The following TULP4 variants were observed in gnomAD, a reference collection of about 807,000 sequenced individuals.
TULP4 encodes the protein TUB like protein 4.
A neutral mutation model predicts 129.0 loss-of-function variants in TULP4; 16 were observed. That is an observed-to-expected ratio of 0.12 (90% confidence interval 0.08 to 0.19). The LOEUF (loss-of-function observed/expected upper bound fraction) is 0.19. Among genes scored for constraint, TULP4 ranks in the 10% least tolerant of loss-of-function variants. The pLI is 1.00. For synonymous variants in TULP4, 998 were observed against 854.0 expected (o/e 1.17, Z -2.94); for missense variants, 1,842 against 2,059.1 (o/e 0.89, Z 2.04).
At chr6:158,249,652 G>A (rs576913966) in intron 1 of TULP4, among the ~76,000 whole-genome samples, 118 of 152,264 alleles carry the variant, frequency 7.7e-4, no homozygotes, top group African/African-American at 2.6e-3. Flanking sequence ...TGTGACAGCC[G>A]GGTCTGTGTT....
At chr6:158,425,872 G>A in intron 2 of TULP4, among the ~76,000 whole-genome samples, 1 of 152,114 alleles carries the variant, frequency 6.6e-6, no homozygotes, top group Admixed American at 6.6e-5. Context: ...GGGATTATAG[G>A]CGTGAGCCAC....
intron 1 of TULP4, among the ~76,000 whole-genome samples, chr6:158,251,851 G>A (rs1778146691): frequency 1.3e-5 from 2 of 152,158 alleles, no homozygotes; most frequent in South Asian, 4.1e-4. Context: ...CACTATTGTA[G>A]GCACCAAGTA....
At chr6:158,350,244 GGGGCGGCC>G (rs1562530655) in intron 1 of TULP4, among the ~76,000 whole-genome samples, 101,835 of 149,338 alleles carry the variant, frequency 0.68, 34,887 homozygotes, top group East Asian at 0.88. Flanking sequence ...CTTCCCAGAC[GGGGCGGCC>G]GGGCAGAGGG....
Position 158,494,754 on chromosome 6 carries a change from A to G in TULP4, c.1778A>G (p.His593Arg). Reference protein sequence around the residue: ...REFPFEDITQHNYLAQVTSNI... With the variant: ...REFPFEDITQRNYLAQVTSNI... ...TTTTTTCTTTTCTTCCTACCGCAGC[A>G]CAACTATCTTGCTCAGGTCACGTCT... Residue 593 changes from histidine to arginine, a missense_variant and splice_region_variant, in exon 11 of 14, where the codon CAC (histidine) becomes CGC (arginine). His to Arg is a conservative substitution (Grantham distance 29). Around this residue, in one of 5 missense-constraint regions of TULP4, gnomAD observed 456 missense variants for 534.3 expected, o/e 0.85. Coordinates refer to ENST00000367097, the MANE Select transcript of TULP4 (RefSeq NM_020245.5). The G allele has an allele frequency of 6.2e-7, 1 of 1,611,928 alleles. No individual in the cohort carries two copies. Among genetic ancestry groups the G allele is most frequent in the Non-Finnish European group, 8.5e-7 (1 of 1,179,210 alleles).
intron 1 of TULP4, among the ~76,000 whole-genome samples, chr6:158,269,119 C>T (rs1287883411): frequency 6.6e-6 from 1 of 152,008 alleles, no homozygotes; most frequent in African/African-American, 2.4e-5. Context: ...TAGAAATTCT[C>T]GAGTCTGAGA....
At chr6:158,440,828 T>G (rs1278300897) in intron 3 of TULP4, among the ~76,000 whole-genome samples, 3 of 152,228 alleles carry the variant, frequency 2.0e-5, no homozygotes, top group Non-Finnish European at 4.4e-5. Flanking sequence ...ATATGTTTCT[T>G]TAGCAGAAAC....
intron 1 of TULP4, among the ~76,000 whole-genome samples, chr6:158,291,012 A>G (rs1023342066): frequency 2.0e-5 from 3 of 152,222 alleles, no homozygotes; most frequent in Non-Finnish European, 2.9e-5. Context: ...AGGCTTTTCA[A>G]TGAGAAATAT....
rs181862173 is a variant in TULP4, at chr6:158,455,708, G to A, written c.859+3440G>A. ...GCTGAGATTGCGCCATTGCACTCTA[G>A]CCTGGGTAACAGAGCAAGACTCCGT... is the stretch of plus-strand genomic sequence containing the variant. On this transcript the variant is annotated intron_variant, in intron 5 of 13. Transcript: ENST00000367097. Among the ~76,000 whole-genome samples the A allele has an allele frequency of 6.9e-4, 103 of 149,952 alleles. 1 individual carries two copies. Among genetic ancestry groups the A allele is most frequent in the African/African-American group, 2.3e-3 (92 of 40,558 alleles).
intron 3 of TULP4, 99 bp downstream of exon 3, chr6:158,429,996 T>A: frequency 1.7e-6 from 2 of 1,151,636 alleles, no homozygotes; most frequent in Non-Finnish European, 2.4e-6. Context: ...AAAGCCTCTT[T>A]AAGAATCACA....
intron 5 of TULP4, 25 bp downstream of exon 5, chr6:158,452,293 A>G (rs1239926964): frequency 5.6e-6 from 9 of 1,612,132 alleles, no homozygotes; most frequent in East Asian, 2.2e-5. Flanking sequence ...ACACACCCCA[A>G]ACCTGCAGAC....
At chr6:158,438,164 A>G (rs759386316) in intron 3 of TULP4, 7 of 152,250 alleles carry the variant, frequency 4.6e-5, no homozygotes, top group Non-Finnish European at 7.3e-5. Context: ...GAAAATTTTC[A>G]GTAACATGAA....
chr6:158,349,583 A>G (rs1439093522), intron 1 of TULP4, among the ~76,000 whole-genome samples: 11 of 119,078 alleles, frequency 9.2e-5, no homozygotes, highest in Non-Finnish European at 1.7e-4. Flanking sequence ...GGCGCTCCTC[A>G]CCTCCCAGAT....
rs113322787 is a variant in TULP4 at position 158,503,141 on chromosome 6, C to T, written c.3478C>T (p.His1160Tyr). The T allele has an allele frequency of 1.7e-5, 28 of 1,613,538 alleles. No individual in the cohort carries two copies. The South Asian group carries it at 2.9e-4, about 16-fold the overall frequency. ...LSSLMLSQGQHLDVSRLPFIS... is the reference protein window; with the variant it reads ...LSSLMLSQGQYLDVSRLPFIS... ...CTCTCTGATGCTGAGTCAGGGCCAG[C>T]ACCTGGACGTGTCCCGACTGCCCTT... Residue 1160 changes from histidine to tyrosine, a missense_variant, in exon 13 of 14, where the codon CAC becomes TAC. His to Tyr is a moderately conservative substitution (Grantham distance 83). This residue lies in a region of TULP4 where 1,089 missense variants were observed against 987.1 expected (regional missense o/e 1.10). Coordinates refer to ENST00000367097, the MANE Select transcript of TULP4 (RefSeq NM_020245.5). This position sits in a 1 kb window ranked among gnomAD's most constrained non-coding sequence, Gnocchi z 4.3.
intron 6 of TULP4, among the ~76,000 whole-genome samples, chr6:158,468,123 C>T (rs1047462024): frequency 6.6e-6 from 1 of 152,142 alleles, no homozygotes; most frequent in African/African-American, 2.4e-5. Context: ...CGACTCCACT[C>T]GCATTTATTC....
At chr6:158,328,407 A>G (rs1238810937) in intron 1 of TULP4, among the ~76,000 whole-genome samples, 1 of 152,080 alleles carries the variant, frequency 6.6e-6, no homozygotes, top group East Asian at 1.9e-4. Context: ...GGAACCTTCT[A>G]GATTCTATGT....
intron 1 of TULP4, among the ~76,000 whole-genome samples, chr6:158,252,248 C>T (rs1202745237): frequency 6.6e-6 from 1 of 150,842 alleles, no homozygotes; most frequent in Non-Finnish European, 1.5e-5. Flanking sequence ...TCTGTGTAGT[C>T]AAACCTATCG....
At chr6:158,442,156 G>C (rs772383412) in intron 3 of TULP4, among the ~76,000 whole-genome samples, 3 of 152,138 alleles carry the variant, frequency 2.0e-5, no homozygotes, top group Admixed American at 6.6e-5. Flanking sequence ...CACAAGTGCT[G>C]TTGGGTCTGC....
chr6:158,365,622 G>GCA (rs1780922854), intron 1 of TULP4, among the ~76,000 whole-genome samples: 2 of 151,178 alleles, frequency 1.3e-5, no homozygotes, highest in South Asian at 2.1e-4. Context: ...GACTACAGGT[G>GCA]CCCGCCACCA....
intron 1 of TULP4, among the ~76,000 whole-genome samples, chr6:158,256,736 T>C (rs1778251798): frequency 6.6e-6 from 1 of 152,220 alleles, no homozygotes; most frequent in South Asian, 2.1e-4. Flanking sequence ...AGCTACAGTA[T>C]TCTTGTAATT....
Sources: gnomAD v4.1 joint callset for allele counts (sites outside exome capture counted in the v4.1 genomes callset) on GRCh38, gnomAD v4.1.1 for gene constraint, gnomAD v4.1.1 regional missense constraint, Gnocchi (gnomAD v3.1) non-coding constraint, MANE v1.5 for transcripts, NCBI Gene and HGNC (gene_info 2026-07-23, HGNC 2026-07-21) for gene names.